Variants in ZFAND2A observed in about 807,000 individuals in gnomAD.
The protein encoded by ZFAND2A is zinc finger AN1-type containing 2A, also known as AN1-type zinc finger protein 2A.
Under a neutral mutation model 11.6 loss-of-function variants are expected in ZFAND2A, and 20 were observed. The observed-to-expected ratio is 1.72, with a 90% CI of 1.21 to 2.50. The LOEUF is 2.50. Ranked by LOEUF, ZFAND2A falls within the 30% of genes most tolerant of loss-of-function variation. The probability of loss-of-function intolerance (pLI) is 0.00; values close to 1 mark genes in which losing one functional copy is unlikely to be tolerated. For missense variants in ZFAND2A, 234 were observed against 182.9 expected, an observed-to-expected ratio of 1.28 and a Z score of -1.61; for synonymous variants, 93 against 60.6, an observed-to-expected ratio of 1.54 and a Z score of -2.48.
chr7:1,159,712 A>C (rs1793634666), intron 1 of ZFAND2A, among the ~76,000 whole-genome samples: 1 of 60,820 alleles, frequency 1.6e-5, no homozygotes, highest in South Asian at 6.7e-4. Context: ...GGTCCCCAGC[A>C]GACAGCCGGA....
chr7:1,154,035 A>G (rs1793462447), intron 4 of ZFAND2A, among the ~76,000 whole-genome samples: 1 of 151,952 alleles, frequency 6.6e-6, no homozygotes, highest in Non-Finnish European at 1.5e-5. Flanking sequence ...CAACAGAGAG[A>G]GGCAGCCAGG....
chr7:1,151,600 T>C (rs1354096226), downstream of ZFAND2A, among the ~76,000 whole-genome samples: 1 of 151,684 alleles, frequency 6.6e-6, no homozygotes, highest in Non-Finnish European at 1.5e-5. Context: ...TTCACTAAAA[T>C]ATAAAAGATT....
In ZFAND2A at chr7:1,152,947, C is replaced by G; in HGVS notation, c.*122G>C. ...AATTTTATTATAGTCCCATCTCCCT[C>G]AACAAACAAGATCAGCAGCCAGTGT... On this transcript the variant is annotated 3_prime_UTR_variant, in exon 5 of 5. Coordinates refer to ENST00000316495, the MANE Select transcript of ZFAND2A (RefSeq NM_182491.4). The G allele has an allele frequency of 7.3e-7, 1 of 1,367,348 alleles. No homozygotes were observed. Among genetic ancestry groups the G allele is most frequent in the African/African-American group, 1.4e-5 (1 of 69,460 alleles). The allele number at this position is 1,367,348 out of a possible 1,614,324, so 84.7% of individuals were successfully genotyped here.
At position 1,155,600 on chromosome 7, in the gene ZFAND2A, G is replaced by A; in HGVS notation, c.151-16C>T. The A allele has an allele frequency of 1.1e-5, 18 of 1,610,038 alleles. No individual in the cohort carries two copies. Among genetic ancestry groups the A allele is most frequent in the Non-Finnish European group, 1.4e-5 (17 of 1,177,934 alleles). On this transcript the variant is annotated splice_polypyrimidine_tract_variant and intron_variant, in intron 3 of 4. Coordinates refer to ENST00000316495, the MANE Select transcript of ZFAND2A (RefSeq NM_182491.4). ...CGTGAACATCCTAAAAATAACAAAG[G>A]TAAGATGGCATCTGAGACTCATGCA...
downstream of ZFAND2A, chr7:1,152,264 A>G (rs1268659848): frequency 6.3e-7 from 1 of 1,578,298 alleles, no homozygotes; most frequent in South Asian, 1.2e-5. Flanking sequence ...CCAGTACCCG[A>G]GTCGCTGGGC....
chr7:1,149,073 C>A (rs1013814729), downstream of ZFAND2A, among the ~76,000 whole-genome samples: 2 of 152,130 alleles, frequency 1.3e-5, no homozygotes, highest in Admixed American at 6.6e-5. Flanking sequence ...ACTGCGATTA[C>A]GGGCATAAGC....
At chr7:1,150,642 C>A (rs149075338), downstream of ZFAND2A, among the ~76,000 whole-genome samples, 140 of 152,318 alleles carry the variant, frequency 9.2e-4, no homozygotes, top group African/African-American at 3.3e-3. Context: ...CTCACTACCC[C>A]CCTTCCCTCC....
At position 1,158,181 on chromosome 7, in the gene ZFAND2A, G is replaced by T; in HGVS notation, c.32C>A (p.Ser11Ter). 1.2e-6 allele frequency: 2 copies of T among 1,614,108 alleles called. No homozygotes were observed. Among genetic ancestry groups the T allele is most frequent in the Non-Finnish European group, 1.7e-6 (2 of 1,180,016 alleles). MEFPDLGKHCSEKTCKQLDFL... is the reference protein window; with the variant it reads MEFPDLGKHC ...ACCTAGCTGCTTGCAAGTCTTTTCT[G>T]AACAATGCTTCCCCAAATCAGGAAA... Residue 11 changes from serine (S) to a stop codon, truncating the protein, a stop_gained, in exon 2 of 5, where the codon TCA becomes TAA. Coordinates refer to ENST00000316495, the MANE Select transcript of ZFAND2A (RefSeq NM_182491.4). LOFTEE classifies it high-confidence loss of function.
At chr7:1,152,240 A>T (rs964744198), downstream of ZFAND2A, 4 of 1,565,966 alleles carry the variant, frequency 2.6e-6, no homozygotes, top group Admixed American at 7.6e-5. Flanking sequence ...TTGCGTTCAC[A>T]TGAGCCGGGT....
downstream of ZFAND2A, among the ~76,000 whole-genome samples, chr7:1,149,859 T>TA (rs1378263547): frequency 6.6e-6 from 1 of 151,492 alleles, no homozygotes; most frequent in East Asian, 1.9e-4. Flanking sequence ...TTAAGTTTTT[T>TA]TTTTTTTTTT....
chr7:1,153,140 A>C lies in ZFAND2A; in HGVS notation c.367T>G (p.Cys123Gly), dbSNP rs1281800276. 3 of 1,614,134 alleles carry C rather than the reference A, an allele frequency of 1.9e-6. No homozygotes were observed. The highest frequency in any genetic ancestry group is 1.7e-6 in the Non-Finnish European group (2 of 1,180,056). Reference sequence around the variant, plus strand: ...TCCAAAGGGTGTCTGTGCTGGATACAGAAGTTGCCGTGACATTGGGCACAT... The same window carrying C: ...TCCAAAGGGTGTCTGTGCTGGATACCGAAGTTGCCGTGACATTGGGCACAT... ...MVCAQCHGNF[C>G]IQHRHPLDHS... is the part of the protein sequence containing the mutation. Residue 123 changes from cysteine to glycine, a missense_variant, in exon 5 of 5, where the codon TGT becomes GGT. Cys to Gly is a radical substitution (Grantham distance 159, BLOSUM62 -3). Coordinates refer to ENST00000316495, the MANE Select transcript of ZFAND2A (RefSeq NM_182491.4).
At chr7:1,150,969 C>A (rs139006495), downstream of ZFAND2A, among the ~76,000 whole-genome samples, 2 of 150,686 alleles carry the variant, frequency 1.3e-5, no homozygotes, top group East Asian at 1.9e-4. Flanking sequence ...CTCACTGCAA[C>A]CTCCGCCTCC....
At chr7:1,155,623 G>A (rs2128258115) in intron 3 of ZFAND2A, 39 bp from the exon 4 acceptor site, 1 of 1,604,556 alleles carries the variant, frequency 6.2e-7, no homozygotes, top group East Asian at 2.2e-5. Flanking sequence ...TGAGACTCAT[G>A]CAACTTAAAC....
intron 2 of ZFAND2A, among the ~76,000 whole-genome samples, 182 bp from the exon 3 acceptor site, chr7:1,157,932 G>T (rs1030178596): frequency 6.6e-6 from 1 of 152,108 alleles, no homozygotes; most frequent in Non-Finnish European, 1.5e-5. Flanking sequence ...CTATGGCATC[G>T]CAAGTATTCC....
chr7:1,149,224 G>GT (rs1234857885), downstream of ZFAND2A, among the ~76,000 whole-genome samples: 1 of 152,192 alleles, frequency 6.6e-6, no homozygotes, highest in Non-Finnish European at 1.5e-5. Context: ...GGTTCCTAAC[G>GT]TACCTGTTTT....
downstream of ZFAND2A, among the ~76,000 whole-genome samples, chr7:1,151,262 T>C (rs1344632056): frequency 6.6e-6 from 1 of 152,144 alleles, no homozygotes; most frequent in African/African-American, 2.4e-5. Flanking sequence ...TCTCACACAG[T>C]GTCCCAGCCC....
At chr7:1,153,274 G>C in intron 4 of ZFAND2A, 50 bp from the exon 5 acceptor site, 2 of 1,586,268 alleles carry the variant, frequency 1.3e-6, no homozygotes, top group Non-Finnish European at 1.7e-6. Flanking sequence ...TGGAGACAGG[G>C]TCTCGCTCTG....
chr7:1,152,296 G>A, downstream of ZFAND2A: 2 of 1,585,920 alleles, frequency 1.3e-6, no homozygotes, highest in Non-Finnish European at 8.6e-7. Context: ...GAGCCAGGGT[G>A]AGGAAATCTC....
At chr7:1,149,280 A>C (rs147541803), downstream of ZFAND2A, among the ~76,000 whole-genome samples, 230 of 152,306 alleles carry the variant, frequency 1.5e-3, 1 homozygote, top group African/African-American at 5.2e-3. Context: ...AACCACACCG[A>C]ACACTGTGCT....
Sources: gnomAD v4.1 joint callset for allele counts (sites outside exome capture counted in the v4.1 genomes callset) on GRCh38, gnomAD v4.1.1 for gene constraint, MANE v1.5 for transcripts, NCBI Gene and HGNC (gene_info 2026-07-23, HGNC 2026-07-21) for gene names.